The following SH3RF1 variants were observed in gnomAD, a reference collection of about 807,000 sequenced individuals.
The protein encoded by SH3RF1 is E3 ubiquitin-protein ligase SH3RF1.
SH3RF1 carries 32 observed loss-of-function variants against 74.0 expected under a neutral mutation model. That is an observed-to-expected ratio of 0.43 (90% CI 0.33 to 0.58). The LOEUF is 0.58. Ranked by LOEUF, SH3RF1 falls within the 20% of genes least tolerant of loss-of-function variation. The pLI is 0.05. For synonymous variants in SH3RF1, 396 were observed against 439.6 expected (o/e 0.90, Z 1.24); for missense variants, 954 against 1,130.9 (o/e 0.84, Z 2.24).
intron 2 of SH3RF1, among the ~76,000 whole-genome samples, chr4:169,265,614 T>C (rs1328871157): frequency 6.6e-6 from 1 of 152,064 alleles, no homozygotes; most frequent in African/African-American, 2.4e-5. Flanking sequence ...GCTGGGGTTA[T>C]AGGCACGTGC....
At chr4:169,214,011 A>G (rs1437577911) in intron 2 of SH3RF1, among the ~76,000 whole-genome samples, 2 of 152,164 alleles carry the variant, frequency 1.3e-5, no homozygotes, top group Non-Finnish European at 2.9e-5. Context: ...TTGCCTCTTC[A>G]TATAAACTTC....
At chr4:169,211,792 A>G (rs1428915030) in intron 2 of SH3RF1, among the ~76,000 whole-genome samples, 1 of 152,192 alleles carries the variant, frequency 6.6e-6, no homozygotes, top group Non-Finnish European at 1.5e-5. Context: ...AATCTGTCAG[A>G]TGCCAATCAA....
intron 1 of SH3RF1, 23 bp downstream of exon 1, chr4:169,270,836 C>T (rs1490299817): frequency 6.6e-6 from 1 of 152,130 alleles, no homozygotes; most frequent in African/African-American, 2.4e-5. Flanking sequence ...CCCCGTCGAC[C>T]CCGCGCCGGC....
chr4:169,131,091 T>C (rs1194930357), intron 5 of SH3RF1, among the ~76,000 whole-genome samples: 1 of 152,158 alleles, frequency 6.6e-6, no homozygotes, highest in East Asian at 1.9e-4. Flanking sequence ...GAAAGAAAGA[T>C]TGTCAGGACA....
intron 2 of SH3RF1, among the ~76,000 whole-genome samples, chr4:169,237,838 T>G (rs1043151056): frequency 6.6e-6 from 1 of 152,158 alleles, no homozygotes; most frequent in South Asian, 2.1e-4. Context: ...AGGACCAATT[T>G]TAGCAAGAAT....
intron 2 of SH3RF1, among the ~76,000 whole-genome samples, chr4:169,245,159 T>A (rs1048800148): frequency 1.3e-5 from 2 of 152,126 alleles, no homozygotes; most frequent in Non-Finnish European, 2.9e-5. Context: ...ATAAGAAGAG[T>A]AACTTGTTTC....
intron 10 of SH3RF1, 135 bp from the exon 11 acceptor site, chr4:169,107,340 G>A: frequency 1.6e-6 from 1 of 638,838 alleles, no homozygotes; most frequent in Non-Finnish European, 2.5e-6. Context: ...AGGTATATGG[G>A]GCCTTATGGT....
chr4:169,196,218 C>A (rs1224941163), intron 2 of SH3RF1, among the ~76,000 whole-genome samples: 1 of 152,152 alleles, frequency 6.6e-6, no homozygotes, highest in East Asian at 1.9e-4. Flanking sequence ...ATATTTTCTT[C>A]CTACTTCAAG....
Position 169,107,046 on chromosome 4 carries a change from G to A in SH3RF1, c.2299C>T (p.His767Tyr). Reference sequence around the variant, plus strand: ...ACAGGGCAGGAGCCTGCCCTGCCATGGCCACCTCCTGGTGGCAGTTCGGGC... The same window carrying A: ...ACAGGGCAGGAGCCTGCCCTGCCATAGCCACCTCCTGGTGGCAGTTCGGGC... ...VGPELPPGGGHGRAGSCPVDG... is the reference protein window; with the variant it reads ...VGPELPPGGGYGRAGSCPVDG... Residue 767 changes from histidine to tyrosine, a missense_variant, in exon 11 of 12, where the codon CAT becomes TAT. Around this residue, in one of 3 missense-constraint regions of SH3RF1, gnomAD observed 854 missense variants for 962.5 expected, o/e 0.89. Coordinates refer to ENST00000284637, the MANE Select transcript of SH3RF1 (RefSeq NM_020870.4). 2 of 1,613,908 alleles carry A rather than the reference G, an allele frequency of 1.2e-6. No homozygotes were observed. Among genetic ancestry groups the A allele is most frequent in the Non-Finnish European group, 1.7e-6 (2 of 1,179,922 alleles).
intron 1 of SH3RF1, among the ~76,000 whole-genome samples, 193 bp from the exon 2 acceptor site, chr4:169,269,500 C>T (rs1003196659): frequency 7.9e-5 from 12 of 152,272 alleles, no homozygotes; most frequent in Middle Eastern, 3.4e-3. Context: ...TTCTAAACAA[C>T]GCAAAATTAA....
At chr4:169,218,722 G>A (rs1315552894) in intron 2 of SH3RF1, among the ~76,000 whole-genome samples, 2 of 151,810 alleles carry the variant, frequency 1.3e-5, no homozygotes, top group Non-Finnish European at 2.9e-5. Flanking sequence ...CCTTTTTATA[G>A]CTGGTGAAAG....
Position 169,120,989 on chromosome 4 carries a change from C to A in SH3RF1, c.1347G>T (p.Val449=). The A allele has an allele frequency of 6.2e-7, 1 of 1,610,554 alleles. No homozygotes were observed. Among genetic ancestry groups the A allele is most frequent in the South Asian group, 1.1e-5 (1 of 90,818 alleles). ...GAGTGTATGGATATATAGCAACATA[C>A]CTAGAATAGAAAATAATATTTGATT... is the stretch of plus-strand genomic sequence containing the variant. The part of the protein sequence containing the change: ...AHLRPQTRPS[V]YVAIYPYTPR... Residue 449 remains valine (V), a splice_region_variant and synonymous_variant, in exon 8 of 12, where the codon GTG becomes GTT. Coordinates refer to ENST00000284637, the MANE Select transcript of SH3RF1 (RefSeq NM_020870.4).
chr4:169,187,109 A>G (rs1304172891), intron 2 of SH3RF1, among the ~76,000 whole-genome samples: 1 of 152,166 alleles, frequency 6.6e-6, no homozygotes, highest in South Asian at 2.1e-4. Context: ...TAACTCTTAA[A>G]TTATTAGAGC....
intron 4 of SH3RF1, among the ~76,000 whole-genome samples, chr4:169,153,047 G>A (rs959363246): frequency 1.1e-4 from 16 of 152,260 alleles, no homozygotes; most frequent in Admixed American, 3.9e-4. Context: ...GGCCCATCCC[G>A]TGCAGACTTT....
At chr4:169,180,063 AG>A (rs201263380) in intron 2 of SH3RF1, among the ~76,000 whole-genome samples, 3,692 of 152,346 alleles carry the variant, frequency 0.024, 83 homozygotes, top group South Asian at 0.11. Context: ...GGACGTAAGC[AG>A]AAACAAAAGA....
intron 2 of SH3RF1, among the ~76,000 whole-genome samples, chr4:169,219,288 A>G (rs1207258304): frequency 1.3e-5 from 2 of 152,206 alleles, no homozygotes; most frequent in Non-Finnish European, 2.9e-5. Flanking sequence ...TTTATGCCAA[A>G]TCGTTTCTGT....
chr4:169,195,602 C>T (rs1436095446), intron 2 of SH3RF1, among the ~76,000 whole-genome samples: 1 of 151,830 alleles, frequency 6.6e-6, no homozygotes, highest in Non-Finnish European at 1.5e-5. Flanking sequence ...GTCTCTTAAC[C>T]TTTCTTCTAT....
chr4:169,110,153 T>C (rs1733216397), intron 10 of SH3RF1, among the ~76,000 whole-genome samples: 1 of 151,812 alleles, frequency 6.6e-6, no homozygotes, highest in African/African-American at 2.4e-5. Context: ...GGCGGCAGGA[T>C]TGCTTGAGCC....
At chr4:169,183,667 G>T (rs1390227156) in intron 2 of SH3RF1, among the ~76,000 whole-genome samples, 2 of 151,632 alleles carry the variant, frequency 1.3e-5, no homozygotes, top group Non-Finnish European at 2.9e-5. Flanking sequence ...AGGACTGCTT[G>T]AGCCTAGGAG....
Sources: gnomAD v4.1 joint callset for allele counts (sites outside exome capture counted in the v4.1 genomes callset) on GRCh38, gnomAD v4.1.1 for gene constraint, gnomAD v4.1.1 regional missense constraint, MANE v1.5 for transcripts, NCBI Gene and HGNC (gene_info 2026-07-23, HGNC 2026-07-21) for gene names.